The following MANEA variants were observed in gnomAD, a reference collection of about 807,000 sequenced individuals.
The protein encoded by MANEA is glycoprotein endo-alpha-1,2-mannosidase.
MANEA carries 25 observed loss-of-function variants against 36.8 expected under a neutral mutation model. The observed-to-expected ratio is 0.68, with a 90% CI of 0.50 to 0.95. The LOEUF is 0.95. Among genes scored for constraint, MANEA ranks in the 40% least tolerant of loss-of-function variants. The pLI, the probability that MANEA is intolerant of heterozygous loss-of-function variation, is 0.00. For missense variants in MANEA, 565 were observed against 558.8 expected, an observed-to-expected ratio of 1.01 and a Z score of -0.11; for synonymous variants, 198 against 188.5, an observed-to-expected ratio of 1.05 and a Z score of -0.41.
chr6:95,599,796 TG>T (rs1769554663), intron 3 of MANEA, among the ~76,000 whole-genome samples: 2 of 152,198 alleles, frequency 1.3e-5, no homozygotes, highest in Admixed American at 1.3e-4. Flanking sequence ...ATCCTGAAAC[TG>T]TTAAGACAGC....
intron 1 of MANEA, among the ~76,000 whole-genome samples, chr6:95,580,375 A>G (rs1769156698): frequency 1.3e-5 from 2 of 152,204 alleles, no homozygotes; most frequent in African/African-American, 4.8e-5. Context: ...CTGAAACTTA[A>G]GGAGCAATCT....
chr6:95,582,384 C>T (rs753876073), intron 1 of MANEA, among the ~76,000 whole-genome samples: 8 of 151,896 alleles, frequency 5.3e-5, no homozygotes, highest in Admixed American at 2.6e-4. Flanking sequence ...GGAGTTTCAC[C>T]GTGTTAGGCA....
In MANEA at chr6:95,606,527, T is replaced by A. The variant is rs1334808188; in HGVS notation, c.*122T>A. 2.0e-6 allele frequency: 1 copy of A among 500,886 alleles called. No individual in the cohort carries two copies. Among genetic ancestry groups the A allele is most frequent in the Non-Finnish European group, 3.2e-6 (1 of 315,814 alleles). The allele number at this position is 500,886 out of a possible 1,614,324, so 31.0% of individuals were successfully genotyped here. A position where few individuals can be genotyped will look rare whatever the true frequency, so the allele number is the denominator to read the frequency against. ...TACTATTAGTTATATTTAAAAATAT[T>A]TTTTTAAATTCTTTACAGATAATAT... is the stretch of plus-strand genomic sequence containing the variant. On this transcript the variant is annotated 3_prime_UTR_variant, in exon 5 of 5. Transcript: ENST00000358812.
chr6:95,580,858 G>A (rs1412376043), intron 1 of MANEA, among the ~76,000 whole-genome samples: 4 of 152,044 alleles, frequency 2.6e-5, no homozygotes, highest in Admixed American at 2.6e-4. Flanking sequence ...ACTTTGACTT[G>A]AAGGTGACTG....
intron 3 of MANEA, 28 bp downstream of exon 3, chr6:95,596,874 A>G: frequency 8.6e-7 from 1 of 1,169,268 alleles, no homozygotes; most frequent in Non-Finnish European, 1.3e-6. Flanking sequence ...CAAGCTATAC[A>G]TAAGTTAATT....
At chr6:95,585,641 A>C (rs1168281168) in intron 1 of MANEA, among the ~76,000 whole-genome samples, 1 of 152,218 alleles carries the variant, frequency 6.6e-6, no homozygotes, top group Non-Finnish European at 1.5e-5. Flanking sequence ...AAAATTGGGA[A>C]TATCTTACTT....
intron 2 of MANEA, chr6:95,590,112 C>G (rs1769361188): frequency 6.6e-6 from 1 of 152,158 alleles, no homozygotes; most frequent in South Asian, 2.1e-4. Context: ...CAGTCCAATA[C>G]CTGGCCTTGA....
Position 95,606,095 on chromosome 6 carries a change from A to T in MANEA, c.1079A>T (p.Tyr360Phe). The change falls in exon 5 of 5, where the codon TAC becomes TTC. Residue 360 changes from tyrosine to phenylalanine, a missense_variant. Tyr to Phe is a conservative substitution (Grantham distance 22, BLOSUM62 3). Coordinates refer to ENST00000358812, the MANE Select transcript of MANEA (RefSeq NM_024641.4). ...LIFIPSVGPG[Y>F]IDTSIRPWNT... ...TTTATCCCAAGTGTGGGCCCAGGATACATAGATACCAGCATCCGTCCATGG... is the reference window on the plus strand; with the variant it reads ...TTTATCCCAAGTGTGGGCCCAGGATTCATAGATACCAGCATCCGTCCATGG... The T allele has an allele frequency of 6.2e-7, 1 of 1,614,056 alleles. No homozygotes were observed. The highest frequency in any genetic ancestry group is 8.5e-7 in the Non-Finnish European group (1 of 1,179,932).
At chr6:95,579,649 T>C (rs1470466697) in intron 1 of MANEA, among the ~76,000 whole-genome samples, 2 of 152,222 alleles carry the variant, frequency 1.3e-5, no homozygotes, top group Non-Finnish European at 2.9e-5. Context: ...TTTTTGGCTT[T>C]TGTGAGTTAC....
At chr6:95,593,214 A>G (rs973758123) in intron 2 of MANEA, among the ~76,000 whole-genome samples, 1 of 152,212 alleles carries the variant, frequency 6.6e-6, no homozygotes, top group East Asian at 1.9e-4. Context: ...AAGTACGACA[A>G]TCACTGGCGT....
chr6:95,603,102 A>AATTT (rs1769630799), intron 3 of MANEA, among the ~76,000 whole-genome samples: 2 of 151,394 alleles, frequency 1.3e-5, no homozygotes, highest in Non-Finnish European at 2.9e-5. Flanking sequence ...CATGAGGGAA[A>AATTT]ATTTTAAATA....
At position 95,604,859 on chromosome 6, in the gene MANEA, A is replaced by G. The variant is rs1582231630; in HGVS notation, c.687A>G (p.Arg229=). The G allele has an allele frequency of 6.7e-7, 1 of 1,490,968 alleles. No individual in the cohort carries two copies. Among genetic ancestry groups the G allele is most frequent in the East Asian group, 2.4e-5 (1 of 41,132 alleles). The allele number at this position is 1,490,968 out of a possible 1,614,324, so 92.4% of individuals were successfully genotyped here. ...VTFHIEPYSN[R]DDQNMYKNVK... Reference sequence around the variant, plus strand: ...TTCACATAGAACCATATAGCAATCGAGATGATCAAAACATGTACAAAAATG... The same window carrying G: ...TTCACATAGAACCATATAGCAATCGGGATGATCAAAACATGTACAAAAATG... The change falls in exon 4 of 5, where the codon CGA becomes CGG. Residue 229 remains arginine, a synonymous_variant. Coordinates refer to ENST00000358812, the MANE Select transcript of MANEA (RefSeq NM_024641.4).
intron 2 of MANEA, chr6:95,588,322 AAAC>A (rs1769326334): frequency 6.6e-6 from 1 of 152,116 alleles, no homozygotes; most frequent in South Asian, 2.1e-4. Context: ...TTGATGAACA[AAAC>A]AATGTAGAAT....
rs1309607075 is a variant in MANEA at position 95,605,927 on chromosome 6, T to G, written c.911T>G (p.Val304Gly). Residue 304 changes from valine to glycine, a missense_variant, in exon 5 of 5, where the codon GTA (valine) becomes GGA (glycine). Coordinates refer to ENST00000358812, the MANE Select transcript of MANEA (RefSeq NM_024641.4). ...GATGGACTGTTTATTGCCCTTCTGG[T>G]AGAAGAAAAACATAAGTATGATATT... is the stretch of plus-strand genomic sequence containing the variant. Reference protein sequence around the residue: ...PYDGLFIALLVEEKHKYDILQ... With the variant: ...PYDGLFIALLGEEKHKYDILQ... The G allele has an allele frequency of 6.2e-7, 1 of 1,613,944 alleles. No homozygotes were observed. Among genetic ancestry groups the G allele is most frequent in the East Asian group, 2.2e-5 (1 of 44,880 alleles).
chr6:95,605,693 T>G, intron 4 of MANEA, 55 bp from the exon 5 acceptor site: 1 of 1,364,756 alleles, frequency 7.3e-7, no homozygotes, highest in African/African-American at 1.4e-5. Context: ...AGTTTTTGTC[T>G]GTGGCAAATT....
At chr6:95,587,015 G>T (rs866025523) in intron 2 of MANEA, 32 bp downstream of exon 2, 10 of 1,284,674 alleles carry the variant, frequency 7.8e-6, no homozygotes, top group East Asian at 2.4e-5. Flanking sequence ...ATGTGTGTTT[G>T]TGTCTGTATA....
chr6:95,585,485 A>T (rs1268931749), intron 1 of MANEA, among the ~76,000 whole-genome samples: 3 of 152,008 alleles, frequency 2.0e-5, no homozygotes, highest in African/African-American at 7.2e-5. Flanking sequence ...CCAATTTTTT[A>T]AAAGTTTGTG....
At chr6:95,587,184 T>A (rs1769305566) in intron 2 of MANEA, 1 of 487,862 alleles carries the variant, frequency 2.0e-6, no homozygotes, top group Non-Finnish European at 3.7e-6. Context: ...ATTGTTTAAT[T>A]TTTACATTTT....
At chr6:95,583,964 G>A (rs1026598912) in intron 1 of MANEA, among the ~76,000 whole-genome samples, 1 of 152,178 alleles carries the variant, frequency 6.6e-6, no homozygotes, top group African/African-American at 2.4e-5. Context: ...ACCCCGAACG[G>A]AGGGACTGAC....
Sources: allele counts gnomAD v4.1 joint callset (sites outside exome capture counted in the v4.1 genomes callset), GRCh38; gene constraint gnomAD v4.1.1; transcripts MANE v1.5; gene names NCBI Gene and HGNC (gene_info 2026-07-23, HGNC 2026-07-21).